The following AGBL4 variants were observed in gnomAD, a reference collection of about 807,000 sequenced individuals.
AGBL4 encodes the protein AGBL carboxypeptidase 4.
Under a neutral mutation model 66.4 loss-of-function variants are expected in AGBL4, and 58 were observed. The observed-to-expected ratio is 0.87, with a 90% CI of 0.71 to 1.09. AGBL4 has a LOEUF of 1.09. Ranked by LOEUF, AGBL4 falls within the 50% of genes least tolerant of loss-of-function variation. AGBL4 has a pLI of 0.00. For missense variants in AGBL4, 579 were observed against 631.0 expected (o/e 0.92, Z 0.88); for synonymous variants, 234 against 222.9 (o/e 1.05, Z -0.44).
chr1:49,391,550 GTTTTTTTTTTTTGTT>G (rs1274802764), intron 3 of AGBL4, among the ~76,000 whole-genome samples: 4 of 124,448 alleles, frequency 3.2e-5, no homozygotes, highest in African/African-American at 6.1e-5. Flanking sequence ...ATAACCATGA[GTTTTTTTTTTTTGTT>G]TTTTTTTTTT....
intron 2 of AGBL4, among the ~76,000 whole-genome samples, chr1:49,731,399 C>A (rs1417224854): frequency 6.6e-6 from 1 of 152,156 alleles, no homozygotes; most frequent in Admixed American, 6.5e-5. Context: ...AAGCACTGTA[C>A]AAAGGCTTAT....
At chr1:48,531,434 G>A (rs75597813), downstream of AGBL4, among the ~76,000 whole-genome samples, 6,151 of 152,196 alleles carry the variant, frequency 0.04, 397 homozygotes, top group African/African-American at 0.14. Context: ...CATCCCCCTA[G>A]AGAGGGAGTC....
At chr1:49,545,645 T>C (rs1023419190) in intron 3 of AGBL4, among the ~76,000 whole-genome samples, 1 of 152,220 alleles carries the variant, frequency 6.6e-6, no homozygotes, top group African/African-American at 2.4e-5. Flanking sequence ...GGTATATGAG[T>C]ACCTGTAATG....
chr1:49,831,860 G>A (rs2148016066), intron 2 of AGBL4, among the ~76,000 whole-genome samples: 1 of 152,226 alleles, frequency 6.6e-6, no homozygotes, highest in Middle Eastern at 3.4e-3. Flanking sequence ...TGCATCTATG[G>A]AGATAATTGT....
chr1:49,270,288 T>C (rs1256480458), intron 3 of AGBL4, among the ~76,000 whole-genome samples: 1 of 152,196 alleles, frequency 6.6e-6, no homozygotes, highest in African/African-American at 2.4e-5. Flanking sequence ...TTTTATGTCC[T>C]TGAAAGCTTC....
At position 48,587,003 on chromosome 1, in the gene AGBL4, C is replaced by A. The variant is rs759726913; in HGVS notation, c.1267+1G>T. 1 of 1,609,998 alleles carries A rather than the reference C, an allele frequency of 6.2e-7. No homozygotes were observed. Among genetic ancestry groups the A allele is most frequent in the Non-Finnish European group, 8.5e-7 (1 of 1,178,420 alleles). ...CAAGGCTGGGTGGGGACTAAGGATACAGGCTTCTTCAGTGTAGGGCACAGC... is the reference window on the plus strand; with the variant it reads ...CAAGGCTGGGTGGGGACTAAGGATAAAGGCTTCTTCAGTGTAGGGCACAGC... On this transcript the variant is annotated splice_donor_variant, in intron 11 of 13. Coordinates refer to ENST00000371839, the MANE Select transcript of AGBL4 (RefSeq NM_032785.4). LOFTEE classifies it high-confidence loss of function.
intron 3 of AGBL4, among the ~76,000 whole-genome samples, chr1:49,681,755 C>A (rs1571319582): frequency 6.6e-6 from 1 of 152,166 alleles, no homozygotes; most frequent in East Asian, 1.9e-4. Context: ...ATTAAGGAAG[C>A]TACTCTGTTT....
chr1:49,050,757 T>A (rs576859849), intron 4 of AGBL4, among the ~76,000 whole-genome samples: 1 of 152,276 alleles, frequency 6.6e-6, no homozygotes, highest in South Asian at 2.1e-4. Flanking sequence ...AACTTCAGGA[T>A]GAATTAACTG....
chr1:48,771,439 C>T (rs1300234793), intron 6 of AGBL4, among the ~76,000 whole-genome samples: 1 of 152,210 alleles, frequency 6.6e-6, no homozygotes, highest in African/African-American at 2.4e-5. Context: ...TGAACCAGAA[C>T]TCTGAAGCAC....
chr1:48,671,592 T>C (rs2148467390), intron 6 of AGBL4, among the ~76,000 whole-genome samples: 1 of 152,350 alleles, frequency 6.6e-6, no homozygotes, highest in East Asian at 1.9e-4. Context: ...ATAAGGATCT[T>C]GTAAGAATTA....
intron 3 of AGBL4, among the ~76,000 whole-genome samples, chr1:49,334,324 A>C (rs58446943): frequency 0.011 from 1,660 of 152,256 alleles, 29 homozygotes; most frequent in African/African-American, 0.038. Context: ...ATGACCTCAT[A>C]CTTCTCTTTT....
At chr1:49,647,801 C>T (rs561629821) in intron 3 of AGBL4, among the ~76,000 whole-genome samples, 11 of 148,010 alleles carry the variant, frequency 7.4e-5, no homozygotes, top group South Asian at 2.1e-4. Context: ...GACCCACCTA[C>T]GAGGGAAAGA....
chr1:48,666,875 G>C (rs1205421265), intron 6 of AGBL4, among the ~76,000 whole-genome samples: 9 of 152,152 alleles, frequency 5.9e-5, no homozygotes, highest in Admixed American at 2.0e-4. Context: ...TTACATGCAT[G>C]ATCTTATTTA....
chr1:48,867,381 G>C (rs908823411), intron 5 of AGBL4, among the ~76,000 whole-genome samples, 151 bp from the exon 6 acceptor site: 3 of 152,150 alleles, frequency 2.0e-5, no homozygotes, highest in African/African-American at 7.2e-5. Context: ...TCTGCAGAGA[G>C]GGTTTGTACC....
intron 4 of AGBL4, among the ~76,000 whole-genome samples, chr1:49,192,290 T>TA (rs759407508): frequency 2.0e-3 from 298 of 152,296 alleles, no homozygotes; most frequent in Middle Eastern, 3.4e-3. Flanking sequence ...TATGTCAACA[T>TA]ATAAATTTAT....
chr1:49,626,016 T>C (rs573473318), intron 3 of AGBL4, among the ~76,000 whole-genome samples: 1 of 152,248 alleles, frequency 6.6e-6, no homozygotes, highest in South Asian at 2.1e-4. Context: ...GAAAACACTA[T>C]CTAGCTGATA....
chr1:48,610,471 G>A (rs1415008065), intron 9 of AGBL4, among the ~76,000 whole-genome samples: 2 of 152,188 alleles, frequency 1.3e-5, no homozygotes, highest in Non-Finnish European at 2.9e-5. Context: ...CCCTAAAGGT[G>A]AGAATGAAGA....
chr1:50,015,962 T>C (rs1478076902), intron 1 of AGBL4, among the ~76,000 whole-genome samples: 1 of 152,020 alleles, frequency 6.6e-6, no homozygotes, highest in Non-Finnish European at 1.5e-5. Flanking sequence ...GATTGAAACA[T>C]ATACAAAAAT....
chr1:48,946,400 T>C (rs941034046), intron 5 of AGBL4, among the ~76,000 whole-genome samples: 1 of 152,202 alleles, frequency 6.6e-6, no homozygotes, highest in African/African-American at 2.4e-5. Context: ...TAGTGACAGC[T>C]TGATCGATAA....
Sources: gnomAD v4.1 joint callset for allele counts (sites outside exome capture counted in the v4.1 genomes callset) on GRCh38, gnomAD v4.1.1 for gene constraint, MANE v1.5 for transcripts, NCBI Gene and HGNC (gene_info 2026-07-23, HGNC 2026-07-21) for gene names.